The following AGBL4 variants were observed in gnomAD, a reference collection of about 807,000 sequenced individuals.
AGBL4 encodes AGBL carboxypeptidase 4.
Under a neutral mutation model 66.4 loss-of-function variants are expected in AGBL4, and 58 were observed. The observed-to-expected ratio is 0.87, with a 90% CI of 0.71 to 1.09. AGBL4 has a LOEUF of 1.09. AGBL4 is among the 50% of genes least tolerant of loss of function. AGBL4 has a pLI of 0.00. For synonymous variants in AGBL4, 234 were observed against 222.9 expected (o/e 1.05, Z -0.44); for missense variants, 579 against 631.0 (o/e 0.92, Z 0.88).
Position 49,888,516 on chromosome 1 carries a change from C to A in AGBL4, c.35-36998G>T, listed in dbSNP as rs992428856. Among the ~76,000 whole-genome samples, 16 of 152,088 alleles carry A rather than the reference C, an allele frequency of 1.1e-4. No homozygotes were observed. In the South Asian group the frequency reaches 2.3e-3, roughly 22 times the overall value. ...AACAAATTTGTCTATACAACCACTA[C>A]AGAGTAGCTATTCCTAATATTTAAT... On this transcript the variant is annotated intron_variant, in intron 1 of 13. Transcript: ENST00000371839.
chr1:48,601,276 A>T (rs1277083770), intron 9 of AGBL4, among the ~76,000 whole-genome samples: 1 of 152,190 alleles, frequency 6.6e-6, no homozygotes, highest in Admixed American at 6.5e-5. Flanking sequence ...TTTGAAGATA[A>T]CAATCACAAA....
intron 6 of AGBL4, among the ~76,000 whole-genome samples, chr1:48,857,445 G>A (rs1192791426): frequency 6.6e-6 from 1 of 152,014 alleles, no homozygotes; most frequent in African/African-American, 2.4e-5. Flanking sequence ...GGTATGGGCC[G>A]GGTGAGGTGG....
intron 2 of AGBL4, among the ~76,000 whole-genome samples, chr1:49,713,099 G>T (rs1399184146): frequency 6.6e-6 from 1 of 151,954 alleles, no homozygotes; most frequent in African/African-American, 2.4e-5. Context: ...CAGGCTCATA[G>T]GAGAAACATT....
At chr1:49,712,300 A>G (rs1046338312) in intron 2 of AGBL4, among the ~76,000 whole-genome samples, 3 of 151,926 alleles carry the variant, frequency 2.0e-5, no homozygotes, top group African/African-American at 7.2e-5. Context: ...TTAACTATTC[A>G]TCTATCAACA....
intron 11 of AGBL4, among the ~76,000 whole-genome samples, chr1:48,546,886 CACACACACACACAT>C (rs1644171552): frequency 2.6e-5 from 4 of 151,824 alleles, no homozygotes; most frequent in Non-Finnish European, 5.9e-5. Flanking sequence ...CACACACACA[CACACACACACACAT>C]ACATAATAGC....
chr1:49,658,443 A>G (rs1646196026), intron 3 of AGBL4, among the ~76,000 whole-genome samples: 1 of 152,246 alleles, frequency 6.6e-6, no homozygotes, highest in Non-Finnish European at 1.5e-5. Context: ...TGTGGAATTC[A>G]GTGTGGCGAT....
chr1:49,647,618 G>T (rs572600079), intron 3 of AGBL4, among the ~76,000 whole-genome samples: 1 of 152,080 alleles, frequency 6.6e-6, no homozygotes, highest in South Asian at 2.1e-4. Flanking sequence ...CCAGGCAGGG[G>T]GAGGGTGAAA....
At chr1:49,205,660 C>T (rs749195281) in intron 4 of AGBL4, among the ~76,000 whole-genome samples, 11 of 152,034 alleles carry the variant, frequency 7.2e-5, no homozygotes, top group Non-Finnish European at 1.6e-4. Flanking sequence ...TCTGTGGGCT[C>T]AAGTTCCATG....
At chr1:49,471,713 A>G (rs1463175658) in intron 3 of AGBL4, among the ~76,000 whole-genome samples, 1 of 151,998 alleles carries the variant, frequency 6.6e-6, no homozygotes, top group Non-Finnish European at 1.5e-5. Flanking sequence ...GAGGCAGCCC[A>G]ACAAGACAAG....
At chr1:49,884,511 A>G (rs1363627212) in intron 1 of AGBL4, among the ~76,000 whole-genome samples, 1 of 151,928 alleles carries the variant, frequency 6.6e-6, no homozygotes, top group East Asian at 1.9e-4. Flanking sequence ...AATTGAAACC[A>G]TGAAGAATAT....
chr1:49,640,626 A>G (rs1402424857), intron 3 of AGBL4, among the ~76,000 whole-genome samples: 3 of 152,160 alleles, frequency 2.0e-5, no homozygotes, highest in Non-Finnish European at 2.9e-5. Context: ...ATAATACAAT[A>G]TCATGTTCTA....
At chr1:48,678,169 A>G (rs1646397564) in intron 6 of AGBL4, among the ~76,000 whole-genome samples, 1 of 152,180 alleles carries the variant, frequency 6.6e-6, no homozygotes. Context: ...CACAGCCAGC[A>G]CCACGGTGGG....
intron 6 of AGBL4, among the ~76,000 whole-genome samples, chr1:48,714,178 C>T (rs1358581803): frequency 6.6e-6 from 1 of 152,146 alleles, no homozygotes; most frequent in Admixed American, 6.5e-5. Flanking sequence ...GACAATCCTG[C>T]CAACTGTATT....
intron 5 of AGBL4, among the ~76,000 whole-genome samples, chr1:48,999,845 C>A (rs929593917): frequency 2.0e-5 from 3 of 152,150 alleles, no homozygotes; most frequent in African/African-American, 7.2e-5. Flanking sequence ...CCTTAGACCC[C>A]ATTATCTAGA....
chr1:49,398,333 T>TC (rs1645014062), intron 3 of AGBL4, among the ~76,000 whole-genome samples: 26 of 143,706 alleles, frequency 1.8e-4, no homozygotes, highest in Non-Finnish European at 3.6e-4. Flanking sequence ...CTCTCTCTCT[T>TC]TCTCTCTCTC....
intron 6 of AGBL4, among the ~76,000 whole-genome samples, chr1:48,771,993 TG>T (rs1644859408): frequency 6.6e-6 from 1 of 152,234 alleles, no homozygotes; most frequent in South Asian, 2.1e-4. Flanking sequence ...AACAAGCTGC[TG>T]CTGCAGAGGT....
intron 3 of AGBL4, among the ~76,000 whole-genome samples, chr1:49,431,306 T>G (rs1645780479): frequency 6.6e-6 from 1 of 152,330 alleles, no homozygotes; most frequent in East Asian, 1.9e-4. Context: ...AGTACTATTA[T>G]TAACTCAATG....
At chr1:48,985,738 T>G (rs1276335696) in intron 5 of AGBL4, among the ~76,000 whole-genome samples, 1 of 151,968 alleles carries the variant, frequency 6.6e-6, no homozygotes, top group African/African-American at 2.4e-5. Flanking sequence ...AGGGTAAAAT[T>G]CAGTCATTTG....
chr1:49,148,373 T>C (rs1646260478), intron 4 of AGBL4, among the ~76,000 whole-genome samples: 1 of 152,158 alleles, frequency 6.6e-6, no homozygotes. Flanking sequence ...CATGTTTCTC[T>C]GAAGTAAAAA....
Sources: allele counts gnomAD v4.1 joint callset (sites outside exome capture counted in the v4.1 genomes callset), GRCh38; gene constraint gnomAD v4.1.1; transcripts MANE v1.5; gene names NCBI Gene and HGNC (gene_info 2026-07-23, HGNC 2026-07-21).